ATRNL1: variants seen among roughly 807,000 people sequenced by gnomAD.
ATRNL1 encodes attractin like 1, also known as attractin-like protein 1.
ATRNL1 carries 95 observed loss-of-function variants against 182.7 expected under a neutral mutation model. The ratio of observed to expected loss-of-function variants is 0.52; its 90% CI spans 0.44 to 0.62. The LOEUF is 0.62. Among genes scored for constraint, ATRNL1 ranks in the 20% least tolerant of loss-of-function variants. ATRNL1 has a pLI of 0.00. For synonymous variants in ATRNL1, 576 were observed against 568.3 expected, an observed-to-expected ratio of 1.01 and a Z score of -0.19; for missense variants, 1,471 against 1,679.5, an observed-to-expected ratio of 0.88 and a Z score of 2.17.
intron 21 of ATRNL1, among the ~76,000 whole-genome samples, chr10:115,438,959 A>C (rs1408498578): frequency 6.6e-6 from 1 of 151,962 alleles, no homozygotes; most frequent in African/African-American, 2.4e-5. Context: ...GAACTTAACT[A>C]CTAATAGGAT....
intron 27 of ATRNL1, among the ~76,000 whole-genome samples, chr10:115,731,655 T>G (rs1947800830): frequency 6.7e-6 from 1 of 149,178 alleles, no homozygotes; most frequent in African/African-American, 2.4e-5. Flanking sequence ...ATTTAATATA[T>G]ATAATGTTCT....
chr10:115,241,669 C>T lies in ATRNL1; in HGVS notation c.1631C>T (p.Thr544Ile). ...LIFGGNTHND[T>I]SLSNGAKCFS... is the part of the protein sequence containing the mutation. ...TTTGGAGGAAATACCCATAATGACA[C>T]TTCCTTGAGTAACGGTGCAAAATGT... is the stretch of plus-strand genomic sequence containing the variant. Residue 544 changes from threonine to isoleucine, a missense_variant, in exon 10 of 29, where the codon ACT becomes ATT. By Grantham distance (89) the Thr-to-Ile change is moderately conservative (BLOSUM62 -1). Transcript: ENST00000355044. The T allele has an allele frequency of 6.2e-7, 1 of 1,611,596 alleles. No individual in the cohort carries two copies. The highest frequency in any genetic ancestry group is 8.5e-7 in the Non-Finnish European group (1 of 1,178,316).
rs572391654 is a variant in ATRNL1 at position 115,719,218 on chromosome 10, A to G, written c.3796-8030A>G. The stretch of plus-strand genomic sequence containing the variant: ...TTCCAGTCCTTAATGGAGTTTCTTG[A>G]CAAGGCATTAAGACTTTACAGAAAA... On this transcript the variant is annotated intron_variant, in intron 26 of 28. Transcript: ENST00000355044. Among the ~76,000 whole-genome samples the G allele has an allele frequency of 2.0e-5, 3 of 152,342 alleles. No homozygotes were observed. In the East Asian group the frequency reaches 5.8e-4, roughly 29 times the overall value.
At chr10:115,339,907 T>G (rs1344273309) in intron 19 of ATRNL1, among the ~76,000 whole-genome samples, 1 of 152,210 alleles carries the variant, frequency 6.6e-6, no homozygotes, top group Non-Finnish European at 1.5e-5. Context: ...GTTTTTATCA[T>G]GAAGGGATCT....
intron 17 of ATRNL1, among the ~76,000 whole-genome samples, chr10:115,309,260 CTT>C (rs1853895224): frequency 6.6e-6 from 1 of 151,896 alleles, no homozygotes; most frequent in African/African-American, 2.4e-5. Context: ...TATTTAGGCT[CTT>C]TTTTGGTTCT....
At chr10:115,940,203 G>A (rs1555123865) in intron 28 of ATRNL1, among the ~76,000 whole-genome samples, 1 of 152,162 alleles carries the variant, frequency 6.6e-6, no homozygotes, top group Non-Finnish European at 1.5e-5. Flanking sequence ...GCTGTAGACA[G>A]ACTAACTAGA....
intron 27 of ATRNL1, among the ~76,000 whole-genome samples, chr10:115,743,564 G>A (rs1357870067): frequency 6.6e-6 from 1 of 152,106 alleles, no homozygotes; most frequent in Non-Finnish European, 1.5e-5. Flanking sequence ...AAATTATGTA[G>A]GAGCACAGTC....
At chr10:115,665,607 T>C (rs1860953659) in intron 26 of ATRNL1, among the ~76,000 whole-genome samples, 1 of 152,154 alleles carries the variant, frequency 6.6e-6, no homozygotes, top group South Asian at 2.1e-4. Flanking sequence ...CCAATTTAAA[T>C]CTGTTGCTAT....
chr10:115,133,588 C>G (rs1310158657), intron 5 of ATRNL1, among the ~76,000 whole-genome samples: 1 of 152,092 alleles, frequency 6.6e-6, no homozygotes, highest in Admixed American at 6.6e-5. Flanking sequence ...GACTCCCACA[C>G]AATAATAATG....
Position 115,281,449 on chromosome 10 carries a change from A to G in ATRNL1, c.2195A>G (p.Gln732Arg), listed in dbSNP as rs1554916798. ...AGCTGTTCACTAAACTTGAATTGCC[A>G]GTGGGATCAGAGACAGCAAGAATGC... is the stretch of plus-strand genomic sequence containing the variant. ...CKSCSLNLNC[Q>R]WDQRQQECQA... Residue 732 changes from glutamine (Q) to arginine (R), a missense_variant, in exon 14 of 29, where the codon CAG becomes CGG. By Grantham distance (43) the Gln-to-Arg change is conservative (BLOSUM62 1). This residue lies in a region of ATRNL1 where 1,031 missense variants were observed against 1,156.0 expected (regional missense o/e 0.89). Coordinates refer to ENST00000355044, the MANE Select transcript of ATRNL1 (RefSeq NM_207303.4). The G allele has an allele frequency of 6.2e-7, 1 of 1,613,632 alleles. No homozygotes were observed. The highest frequency in any genetic ancestry group is 2.2e-5 in the East Asian group (1 of 44,798).
chr10:115,864,467 T>G (rs1449704742), intron 28 of ATRNL1, among the ~76,000 whole-genome samples: 1 of 152,208 alleles, frequency 6.6e-6, no homozygotes, highest in Non-Finnish European at 1.5e-5. Context: ...AACACATTTG[T>G]ATAGTCAGAG....
chr10:115,595,369 C>A (rs2133928349), intron 26 of ATRNL1, among the ~76,000 whole-genome samples: 1 of 152,220 alleles, frequency 6.6e-6, no homozygotes, highest in Non-Finnish European at 1.5e-5. Context: ...AATTATATTT[C>A]TGCTTTGAGT....
intron 26 of ATRNL1, among the ~76,000 whole-genome samples, chr10:115,596,746 C>G (rs1312475202): frequency 6.6e-6 from 1 of 152,084 alleles, no homozygotes; most frequent in East Asian, 1.9e-4. Flanking sequence ...TAGAAATATA[C>G]TTTGTTAAGC....
intron 24 of ATRNL1, among the ~76,000 whole-genome samples, chr10:115,497,099 T>G (rs770039171): frequency 5.9e-5 from 9 of 152,184 alleles, no homozygotes; most frequent in Non-Finnish European, 1.0e-4. Context: ...TTGAGTTTGT[T>G]TGGAGAACCA....
At chr10:115,155,200 A>G (rs1294137813) in intron 5 of ATRNL1, among the ~76,000 whole-genome samples, 1 of 151,624 alleles carries the variant, frequency 6.6e-6, no homozygotes, top group Non-Finnish European at 1.5e-5. Flanking sequence ...TACAGGTGGT[A>G]TGAGTTTCCT....
chr10:115,587,766 G>A (rs963761336), intron 26 of ATRNL1, among the ~76,000 whole-genome samples: 2 of 152,110 alleles, frequency 1.3e-5, no homozygotes, highest in African/African-American at 2.4e-5. Flanking sequence ...TTCCTATTCG[G>A]CCATCTTGGC....
intron 19 of ATRNL1, among the ~76,000 whole-genome samples, chr10:115,340,129 G>A (rs1855670573): frequency 6.6e-6 from 1 of 152,080 alleles, no homozygotes; most frequent in African/African-American, 2.4e-5. Context: ...ATTCACTAGA[G>A]ATATTGGCCT....
chr10:115,810,185 T>C (rs1222702554), intron 27 of ATRNL1, among the ~76,000 whole-genome samples: 2 of 151,978 alleles, frequency 1.3e-5, no homozygotes, highest in African/African-American at 4.8e-5. Context: ...TAGATTCAAT[T>C]TGCCAATTTG....
intron 28 of ATRNL1, among the ~76,000 whole-genome samples, chr10:115,880,255 A>G (rs1951796659): frequency 6.6e-6 from 1 of 152,194 alleles, no homozygotes; most frequent in South Asian, 2.1e-4. Context: ...GGTCAACCTG[A>G]GCCTGGCCAT....
Sources: allele counts gnomAD v4.1 joint callset (sites outside exome capture counted in the v4.1 genomes callset), GRCh38; gene constraint gnomAD v4.1.1; regional missense constraint gnomAD v4.1.1; transcripts MANE v1.5; gene names NCBI Gene and HGNC (gene_info 2026-07-23, HGNC 2026-07-21).